ANXA2: variants seen among roughly 807,000 people sequenced by gnomAD.
The protein encoded by ANXA2 is annexin A2.
Under a neutral mutation model 47.3 loss-of-function variants are expected in ANXA2, and 28 were observed. The observed-to-expected ratio is 0.59, with a 90% CI of 0.44 to 0.81. The LOEUF is 0.81. Ranked by LOEUF, ANXA2 falls within the 40% of genes least tolerant of loss-of-function variation. The pLI, the probability that ANXA2 is intolerant of heterozygous loss-of-function variation, is 0.00. For missense variants in ANXA2, 384 were observed against 414.3 expected (o/e 0.93, Z 0.64); for synonymous variants, 172 against 155.5 (o/e 1.11, Z -0.79).
At chr15:60,382,055 AG>A (rs1386184674) in intron 3 of ANXA2, among the ~76,000 whole-genome samples, 1 of 7,474 alleles carries the variant, frequency 1.3e-4, no homozygotes, top group Non-Finnish European at 2.7e-4. Flanking sequence ...AAGGGAGGGG[AG>A]GGAGGGAGGG....
intron 3 of ANXA2, among the ~76,000 whole-genome samples, chr15:60,378,088 T>C (rs11633287): frequency 0.16 from 24,221 of 151,358 alleles, 2,521 homozygotes; most frequent in Middle Eastern, 0.3. Flanking sequence ...GGCAACAGAG[T>C]GAGACTCCGC....
chr15:60,361,128 G>C (rs1470468542), intron 4 of ANXA2, 74 bp from the exon 5 acceptor site: 28 of 1,049,898 alleles, frequency 2.7e-5, no homozygotes, highest in Non-Finnish European at 3.8e-5. Context: ...AAAAGTAAGA[G>C]GGATCTTTTT....
intron 3 of ANXA2, among the ~76,000 whole-genome samples, chr15:60,373,519 C>A (rs1416173615): frequency 6.6e-6 from 1 of 152,134 alleles, no homozygotes; most frequent in Non-Finnish European, 1.5e-5. Flanking sequence ...TAAAAGTTGC[C>A]CCTCTGGGTC....
At chr15:60,380,159 CGT>C (rs2062836023) in intron 3 of ANXA2, among the ~76,000 whole-genome samples, 1 of 152,090 alleles carries the variant, frequency 6.6e-6, no homozygotes, top group Non-Finnish European at 1.5e-5. Flanking sequence ...TGTGCTTGTA[CGT>C]GTGTGTGTTT....
chr15:60,376,376 G>A (rs2062778976), intron 3 of ANXA2, among the ~76,000 whole-genome samples: 1 of 150,544 alleles, frequency 6.6e-6, no homozygotes, highest in Non-Finnish European at 1.5e-5. Flanking sequence ...GCAAAACTCT[G>A]TCTCAAAAAA....
intron 6 of ANXA2, 125 bp downstream of exon 6, chr15:60,357,021 A>G (rs888357734): frequency 5.2e-6 from 4 of 773,456 alleles, no homozygotes; most frequent in African/African-American, 1.7e-5. Flanking sequence ...CTGCATAGTC[A>G]AGGTGGCAGG....
chr15:60,395,905 G>C (rs2063074998), intron 1 of ANXA2: 1 of 152,124 alleles, frequency 6.6e-6, no homozygotes, highest in Non-Finnish European at 1.5e-5. Flanking sequence ...ACAAACCCTT[G>C]ACCTTTAGAT....
At chr15:60,376,864 G>A in intron 3 of ANXA2, among the ~76,000 whole-genome samples, 1 of 152,186 alleles carries the variant, frequency 6.6e-6, no homozygotes, top group East Asian at 1.9e-4. Context: ...CTCCAAGGTG[G>A]CCTGCTCCCA....
chr15:60,394,098 C>A (rs1430087257), intron 1 of ANXA2, among the ~76,000 whole-genome samples: 2 of 152,116 alleles, frequency 1.3e-5, no homozygotes, highest in Non-Finnish European at 2.9e-5. Flanking sequence ...TATAGCCATG[C>A]CCCCCACCTC....
At chr15:60,390,196 C>A in intron 1 of ANXA2, 1 of 869,310 alleles carries the variant, frequency 1.2e-6, no homozygotes, top group Non-Finnish European at 1.4e-6. Flanking sequence ...TCACAATAAC[C>A]ACAAAGTCAC....
chr15:60,380,924 A>C (rs941469856), intron 3 of ANXA2, among the ~76,000 whole-genome samples: 1 of 151,932 alleles, frequency 6.6e-6, no homozygotes, highest in African/African-American at 2.4e-5. Context: ...TGCAGAACAT[A>C]AGGCTTCCCC....
chr15:60,366,482 C>T (rs1354532785), intron 3 of ANXA2, among the ~76,000 whole-genome samples: 1 of 151,636 alleles, frequency 6.6e-6, no homozygotes, highest in African/African-American at 2.4e-5. Flanking sequence ...GTGAGGAGCG[C>T]CTCTGCCCGG....
rs1895847608 is a variant in ANXA2, at chr15:60,348,762, G to GT, written c.960+312dup. ...CTCCGTCTCAAAAAAAAAAAAAAAA[G>GT]TAAAATGTAACTGATCTTCCAAGCC... On this transcript the variant is annotated intron_variant, in intron 12 of 12. Coordinates refer to ENST00000451270, the MANE Select transcript of ANXA2 (RefSeq NM_004039.3). 2.9e-5 allele frequency among the ~76,000 whole-genome samples: 4 copies of GT among 135,772 alleles called. No individual in the cohort carries two copies. The South Asian group carries it at 9.4e-4, about 32-fold the overall frequency. The allele number at this position is 135,772 out of a possible 152,430, so 89.1% of individuals were successfully genotyped here.
rs1486633882 is a variant in ANXA2 at position 60,364,461 on chromosome 15, T to C, written c.211A>G (p.Ile71Val). The C allele has an allele frequency of 6.2e-7, 1 of 1,613,466 alleles. No homozygotes were observed. Among genetic ancestry groups the C allele is most frequent in the Non-Finnish European group, 8.5e-7 (1 of 1,179,848 alleles). Residue 71 changes from isoleucine (I) to valine (V), a missense_variant, in exon 4 of 13, where the codon ATT becomes GTT. Ile to Val is a conservative substitution (Grantham distance 29). Transcript: ENST00000451270. ...GTCCTTCTCTGGTAGGCGAAGGCAA[T>C]ATCCTGTCTCTGTGCATTGCTGCGG... ...TNRSNAQRQD[I>V]AFAYQRRTKK...
intron 10 of ANXA2, 141 bp from the exon 11 acceptor site, chr15:60,351,392 G>A (rs1183973839): frequency 1.2e-6 from 1 of 836,390 alleles, no homozygotes; most frequent in East Asian, 2.6e-5. Context: ...GACAGGCTAA[G>A]GGAAATCTAG....
intron 12 of ANXA2, 79 bp downstream of exon 12, chr15:60,348,996 C>G: frequency 6.4e-7 from 1 of 1,569,714 alleles, no homozygotes; most frequent in Non-Finnish European, 8.7e-7. Context: ...GCCACTCTGT[C>G]ATCATTCTGC....
intron 3 of ANXA2, among the ~76,000 whole-genome samples, chr15:60,367,235 G>A (rs1360118345): frequency 3.4e-4 from 32 of 94,880 alleles, no homozygotes; most frequent in African/African-American, 4.7e-4. Context: ...TCAGCCCCCC[G>A]CCCGGCCAGC....
rs761270748 is a variant in ANXA2 at position 60,351,254 on chromosome 15, G to C, written c.779-3C>G. On this transcript the variant is annotated splice_polypyrimidine_tract_variant and splice_region_variant and intron_variant, in intron 10 of 12. Transcript: ENST00000451270. ...GGGCTTGTTCTGAATGCACTGAACTGTGGAGAGAAGAAAGGGAGTCAGCGC... is the reference window on the plus strand; with the variant it reads ...GGGCTTGTTCTGAATGCACTGAACTCTGGAGAGAAGAAAGGGAGTCAGCGC... The C allele has an allele frequency of 6.2e-7, 1 of 1,614,172 alleles. No individual in the cohort carries two copies. The highest frequency in any genetic ancestry group is 1.1e-5 in the South Asian group (1 of 91,082).
chr15:60,356,423 A>G (rs2062430939), intron 6 of ANXA2, among the ~76,000 whole-genome samples: 1 of 152,178 alleles, frequency 6.6e-6, no homozygotes, highest in Non-Finnish European at 1.5e-5. Context: ...TAAGAATTAA[A>G]CAATGCTTTT....
Sources: allele counts gnomAD v4.1 joint callset (sites outside exome capture counted in the v4.1 genomes callset), GRCh38; gene constraint gnomAD v4.1.1; transcripts MANE v1.5; gene names NCBI Gene and HGNC (gene_info 2026-07-23, HGNC 2026-07-21).